ADGRB3: variants seen among roughly 807,000 people sequenced by gnomAD.
ADGRB3 encodes the protein adhesion G protein-coupled receptor B3.
Under a neutral mutation model 193.4 loss-of-function variants are expected in ADGRB3, and 37 were observed. That is an observed-to-expected ratio of 0.19 (90% CI 0.15 to 0.25). The LOEUF (loss-of-function observed/expected upper bound fraction) is 0.25. Ranked by LOEUF, ADGRB3 falls within the 10% of genes least tolerant of loss-of-function variation. The pLI is 1.00. For missense variants in ADGRB3, 1,637 were observed against 1,852.9 expected (o/e 0.88, Z 2.14); for synonymous variants, 690 against 644.2 (o/e 1.07, Z -1.08).
intron 17 of ADGRB3, among the ~76,000 whole-genome samples, chr6:69,101,208 T>C (rs1310735430): frequency 6.6e-6 from 1 of 152,084 alleles, no homozygotes; most frequent in African/African-American, 2.4e-5. Flanking sequence ...TATAAAATGC[T>C]TCCAGAGTGA....
At chr6:69,185,922 A>G (rs1369642609) in intron 17 of ADGRB3, among the ~76,000 whole-genome samples, 3 of 152,132 alleles carry the variant, frequency 2.0e-5, no homozygotes, top group Non-Finnish European at 4.4e-5. Flanking sequence ...AGTAGTATGT[A>G]TAAGTCAAGA....
At chr6:69,142,716 T>C (rs763276297) in intron 17 of ADGRB3, among the ~76,000 whole-genome samples, 1 of 152,192 alleles carries the variant, frequency 6.6e-6, no homozygotes, top group Non-Finnish European at 1.5e-5. Context: ...CTTCTCTGGC[T>C]CATGACAACA....
At chr6:69,252,085 C>T (rs1352668890) in intron 20 of ADGRB3, among the ~76,000 whole-genome samples, 4 of 152,046 alleles carry the variant, frequency 2.6e-5, no homozygotes, top group Non-Finnish European at 4.4e-5. Context: ...CATAGGCAAG[C>T]GTTGTTCTGA....
chr6:68,781,806 C>A (rs1248745878), intron 3 of ADGRB3, among the ~76,000 whole-genome samples: 1 of 151,806 alleles, frequency 6.6e-6, no homozygotes, highest in Non-Finnish European at 1.5e-5. Context: ...GTTAGATGAG[C>A]GCCTCCCACT....
At chr6:69,070,694 A>C (rs1304293395) in intron 16 of ADGRB3, among the ~76,000 whole-genome samples, 1 of 152,224 alleles carries the variant, frequency 6.6e-6, no homozygotes, top group Non-Finnish European at 1.5e-5. Context: ...CAACCTTAAC[A>C]TTCCTATAGC....
At position 69,389,219 on chromosome 6, in the gene ADGRB3, G is replaced by A. The variant is rs1400762022; in HGVS notation, c.*328G>A. The stretch of plus-strand genomic sequence containing the variant: ...AAAAAACTTCACCATGAAGCACAAT[G>A]TATATATTTATGCAGTTTTTAAAGT... On this transcript the variant is annotated 3_prime_UTR_variant, in exon 32 of 32. Transcript: ENST00000370598. The A allele has an allele frequency of 5.6e-6, 1 of 177,796 alleles. No individual in the cohort carries two copies. The highest frequency in any genetic ancestry group is 1.2e-5 in the Non-Finnish European group (1 of 83,630). 11.0% of individuals were successfully genotyped at this position (177,796 alleles called of 1,614,324 possible). A position where few individuals can be genotyped will look rare whatever the true frequency, so the allele number is the denominator to read the frequency against.
intron 3 of ADGRB3, among the ~76,000 whole-genome samples, chr6:68,837,803 C>T (rs1265972719): frequency 3.9e-5 from 6 of 152,144 alleles, no homozygotes; most frequent in African/African-American, 1.4e-4. Flanking sequence ...GTTTGAGCCA[C>T]CTGTGTACTT....
chr6:68,667,056 T>C (rs1472707124), intron 3 of ADGRB3, among the ~76,000 whole-genome samples: 2 of 151,958 alleles, frequency 1.3e-5, no homozygotes, highest in South Asian at 2.1e-4. Flanking sequence ...AACTGCATTA[T>C]AAACCATGCC....
chr6:69,372,554 T>A (rs968954746), intron 30 of ADGRB3, 113 bp downstream of exon 30: 2 of 435,030 alleles, frequency 4.6e-6, no homozygotes, highest in Admixed American at 9.7e-5. Flanking sequence ...TGTACTAATT[T>A]AATTAAATAA....
At chr6:68,888,576 T>A (rs944399811) in intron 3 of ADGRB3, among the ~76,000 whole-genome samples, 1 of 110,424 alleles carries the variant, frequency 9.1e-6, no homozygotes, top group East Asian at 2.1e-4. Context: ...CACACACACA[T>A]AAAAAAAACT....
intron 3 of ADGRB3, among the ~76,000 whole-genome samples, chr6:68,827,684 A>G (rs1228620492): frequency 6.6e-6 from 1 of 151,962 alleles, no homozygotes; most frequent in Non-Finnish European, 1.5e-5. Flanking sequence ...AGGGGGTTCT[A>G]TAGTTGTGGT....
At chr6:69,270,848 T>C (rs1314808194) in intron 20 of ADGRB3, among the ~76,000 whole-genome samples, 2 of 152,238 alleles carry the variant, frequency 1.3e-5, no homozygotes, top group Admixed American at 1.3e-4. Context: ...ATTTTTGTTC[T>C]TGTTTTTATA....
At chr6:69,293,324 T>C (rs1767733776) in intron 20 of ADGRB3, among the ~76,000 whole-genome samples, 1 of 152,146 alleles carries the variant, frequency 6.6e-6, no homozygotes, top group Admixed American at 6.6e-5. Context: ...TAGAGGTTCT[T>C]ATTTCCTAGA....
At position 69,094,657 on chromosome 6, in the gene ADGRB3, G is replaced by A. The variant is rs1046635797; in HGVS notation, c.2480+18619G>A. ...CCAAATGTGTTTATTTTCTCATAGA[G>A]CATTCAAATCTTCATGGTTGGCTAT... is the stretch of plus-strand genomic sequence containing the variant. On this transcript the variant is annotated intron_variant, in intron 17 of 31. Coordinates refer to ENST00000370598, the MANE Select transcript of ADGRB3 (RefSeq NM_001704.3). 3.3e-5 allele frequency among the ~76,000 whole-genome samples: 5 copies of A among 152,228 alleles called. No individual in the cohort carries two copies. In the South Asian group the frequency reaches 6.2e-4, roughly 19 times the overall value.
At chr6:68,953,648 G>A (rs867796081) in intron 6 of ADGRB3, among the ~76,000 whole-genome samples, 50 of 152,044 alleles carry the variant, frequency 3.3e-4, no homozygotes, top group African/African-American at 1.1e-3. Context: ...GATTGTATCA[G>A]GCACTTGTAA....
chr6:68,826,419 C>T (rs1330498082), intron 3 of ADGRB3, among the ~76,000 whole-genome samples: 2 of 151,972 alleles, frequency 1.3e-5, no homozygotes, highest in Non-Finnish European at 2.9e-5. Context: ...TAAATAAAAG[C>T]AAGGGAGTCT....
At chr6:69,035,013 G>A (rs937279912) in intron 13 of ADGRB3, among the ~76,000 whole-genome samples, 2 of 151,982 alleles carry the variant, frequency 1.3e-5, no homozygotes, top group Non-Finnish European at 2.9e-5. Flanking sequence ...GGAAAGACAT[G>A]ATGTTTTCAA....
chr6:68,725,356 C>A (rs983911881), intron 3 of ADGRB3, among the ~76,000 whole-genome samples: 15 of 151,562 alleles, frequency 9.9e-5, no homozygotes, highest in Non-Finnish European at 1.8e-4. Context: ...AGAATCCAGG[C>A]AATAACCCTG....
In ADGRB3 at chr6:68,930,678, T is replaced by C. The variant is rs1401905797; in HGVS notation, c.868+9T>C. 1 of 1,537,840 alleles carries C rather than the reference T, an allele frequency of 6.5e-7. No homozygotes were observed. Among genetic ancestry groups the C allele is most frequent in the Non-Finnish European group, 9.0e-7 (1 of 1,116,830 alleles). On this transcript the variant is annotated intron_variant, in intron 4 of 31. Coordinates refer to ENST00000370598, the MANE Select transcript of ADGRB3 (RefSeq NM_001704.3). ...ATTTATGGCACAAACTGGTAATACG[T>C]TAGTTACATTTTTCTATTTATTGTT...
Sources: allele counts gnomAD v4.1 joint callset (sites outside exome capture counted in the v4.1 genomes callset), GRCh38; gene constraint gnomAD v4.1.1; transcripts MANE v1.5; gene names NCBI Gene and HGNC (gene_info 2026-07-23, HGNC 2026-07-21).